Variants in TCF12 observed in about 807,000 individuals in gnomAD.
TCF12 encodes the protein transcription factor 12, also known as DNA-binding protein HTF4.
A neutral mutation model predicts 86.0 loss-of-function variants in TCF12; 45 were observed. That is an observed-to-expected ratio of 0.52 (90% CI 0.41 to 0.67). TCF12 has a LOEUF of 0.67. Ranked by LOEUF, TCF12 falls within the 30% of genes least tolerant of loss-of-function variation. The probability of loss-of-function intolerance (pLI) is 0.00; values close to 1 mark genes in which losing one functional copy is unlikely to be tolerated. For missense variants in TCF12, 881 were observed against 859.9 expected (o/e 1.02, Z -0.31); for synonymous variants, 330 against 299.6 (o/e 1.10, Z -1.05).
At chr15:57,269,360 CTTTTTTTTTTTTTTTTTTT>C (rs56700978) in intron 18 of TCF12, among the ~76,000 whole-genome samples, 2 of 31,944 alleles carry the variant, frequency 6.3e-5, no homozygotes, top group Non-Finnish European at 1.0e-4. Context: ...ACAACCCCTG[CTTTTTTTTTTTTTTTTTTT>C]TTTTTTTTTT....
In TCF12 at chr15:57,036,580, T is replaced by G. The variant is rs558931727; in HGVS notation, c.149-27170T>G. 7.9e-5 allele frequency among the ~76,000 whole-genome samples: 12 copies of G among 152,360 alleles called. No homozygotes were observed. The South Asian group carries it at 2.5e-3, about 32-fold the overall frequency. ...ATGGTATCTCATTGTGGTTTTGATT[T>G]GCATTTCCTTAGTGGCTGCTAATGG... is the stretch of plus-strand genomic sequence containing the variant. On this transcript the variant is annotated intron_variant, in intron 3 of 20. Coordinates refer to ENST00000333725, the MANE Select transcript of TCF12 (RefSeq NM_207037.2).
At chr15:57,003,214 A>G (rs1221595955) in intron 3 of TCF12, among the ~76,000 whole-genome samples, 3 of 152,192 alleles carry the variant, frequency 2.0e-5, no homozygotes, top group Admixed American at 6.5e-5. Flanking sequence ...AGTATGGTCT[A>G]TAAAGTTGTC....
intron 5 of TCF12, among the ~76,000 whole-genome samples, chr15:57,133,622 G>GT (rs1252745056): frequency 9.8e-6 from 1 of 101,624 alleles, no homozygotes; most frequent in African/African-American, 6.0e-5. Flanking sequence ...CTGCAGTAAT[G>GT]TGTTTTTTTT....
intron 6 of TCF12, among the ~76,000 whole-genome samples, chr15:57,170,297 G>A (rs752215477): frequency 6.6e-6 from 1 of 150,766 alleles, no homozygotes; most frequent in Non-Finnish European, 1.5e-5. Flanking sequence ...TTGAGGCAAG[G>A]TTTCACTCTG....
rs1413076411 is a variant in TCF12 at position 57,086,862 on chromosome 15, CCTCTGGTG to C, written c.223-4926_223-4919del. Among the ~76,000 whole-genome samples, 2 of 151,870 alleles carry C rather than the reference CCTCTGGTG, an allele frequency of 1.3e-5. 1 individual carries two copies. Among genetic ancestry groups the C allele is most frequent in the Non-Finnish European group, 2.9e-5 (2 of 67,968 alleles). ...AAGTGTATTCTGAACTGGGAAAGAT[CCTCTGGTG>C]ATGATACTCTATAAATTGGATGAGA... On this transcript the variant is annotated intron_variant, in intron 4 of 20. Transcript: ENST00000333725.
intron 5 of TCF12, among the ~76,000 whole-genome samples, chr15:57,100,423 C>CTTT (rs571976256): frequency 4.6e-5 from 6 of 130,844 alleles, no homozygotes; most frequent in Non-Finnish European, 6.6e-5. Context: ...TTCACTTCCT[C>CTTT]TTTTTTTTTT....
intron 4 of TCF12, among the ~76,000 whole-genome samples, chr15:57,084,165 A>G (rs1333020735): frequency 1.3e-5 from 2 of 152,246 alleles, no homozygotes; most frequent in African/African-American, 4.8e-5. Context: ...ATAAAAATAT[A>G]TACGAGCAGT....
intron 3 of TCF12, among the ~76,000 whole-genome samples, chr15:56,947,202 C>T (rs759382383): frequency 7.2e-5 from 11 of 152,206 alleles, no homozygotes; most frequent in Non-Finnish European, 1.2e-4. Context: ...ATTCAGACTG[C>T]TTCCAGCTGA....
chr15:57,013,423 G>A (rs543549893), intron 3 of TCF12, among the ~76,000 whole-genome samples: 3 of 152,088 alleles, frequency 2.0e-5, no homozygotes, highest in East Asian at 1.9e-4. Context: ...CAATCCTTCC[G>A]TCTCAGCCTC....
intron 3 of TCF12, among the ~76,000 whole-genome samples, chr15:56,932,072 G>A (rs546148068): frequency 1.3e-5 from 2 of 152,224 alleles, no homozygotes; most frequent in South Asian, 2.1e-4. Context: ...TGCCTGTAGC[G>A]AGCAGACTCT....
intron 5 of TCF12, among the ~76,000 whole-genome samples, chr15:57,132,599 A>G (rs1340389942): frequency 1.3e-5 from 2 of 152,202 alleles, no homozygotes; most frequent in African/African-American, 4.8e-5. Flanking sequence ...TGAATTATCA[A>G]AGAAATCTAC....
At chr15:57,079,389 G>A (rs1028598288) in intron 4 of TCF12, among the ~76,000 whole-genome samples, 1 of 151,942 alleles carries the variant, frequency 6.6e-6, no homozygotes. Flanking sequence ...CTTCCACTGA[G>A]AAGCATTAAA....
chr15:57,282,087 C>T (rs2061716657), intron 19 of TCF12: 25 of 300,942 alleles, frequency 8.3e-5, no homozygotes, highest in South Asian at 7.5e-4. Flanking sequence ...AAGATGTCAG[C>T]ATTCATGTCA....
intron 3 of TCF12, among the ~76,000 whole-genome samples, chr15:57,007,793 TCTTTCTTTCTTTC>T (rs2064502509): frequency 4.1e-5 from 1 of 24,270 alleles, no homozygotes; most frequent in Non-Finnish European, 9.2e-5. Context: ...TTTCTTTCTC[TCTTTCTTTCTTTC>T]TTTCTTTCTT....
intron 3 of TCF12, among the ~76,000 whole-genome samples, chr15:56,968,022 C>A (rs559304847): frequency 6.6e-6 from 1 of 151,938 alleles, no homozygotes; most frequent in Non-Finnish European, 1.5e-5. Flanking sequence ...GTGGTGCGAT[C>A]TTGGCTTCCC....
chr15:57,099,462 AT>A (rs1439602612), intron 5 of TCF12, among the ~76,000 whole-genome samples: 23 of 152,272 alleles, frequency 1.5e-4, no homozygotes, highest in African/African-American at 1.9e-4. Flanking sequence ...TTTTAAAAAA[AT>A]ATTTCAAAAA....
At chr15:57,069,745 C>G (rs559632167) in intron 4 of TCF12, among the ~76,000 whole-genome samples, 1 of 152,092 alleles carries the variant, frequency 6.6e-6, no homozygotes, top group African/African-American at 2.4e-5. Context: ...TTAGTACTTC[C>G]CAACTCAAAG....
intron 18 of TCF12, among the ~76,000 whole-genome samples, chr15:57,265,897 A>G (rs758433698): frequency 1.3e-5 from 2 of 152,126 alleles, no homozygotes; most frequent in Non-Finnish European, 2.9e-5. Context: ...TTACTATATA[A>G]TAGACATTTT....
intron 4 of TCF12, among the ~76,000 whole-genome samples, chr15:57,091,582 G>T (rs140471439): frequency 1.3e-5 from 2 of 152,006 alleles, no homozygotes; most frequent in African/African-American, 2.4e-5. Context: ...TTTTCTTTAC[G>T]ATCAATAAAG....
Sources: gnomAD v4.1 joint callset for allele counts (sites outside exome capture counted in the v4.1 genomes callset) on GRCh38, gnomAD v4.1.1 for gene constraint, MANE v1.5 for transcripts, NCBI Gene and HGNC (gene_info 2026-07-23, HGNC 2026-07-21) for gene names.